The following REDIC1 variants were observed in gnomAD, a reference collection of about 807,000 sequenced individuals.
REDIC1 encodes HEI10 Interacting Protein 1.
chr12:39,737,989 A>G, the REDIC1 span, among the ~76,000 whole-genome samples: 112,031 of 152,102 alleles, frequency 0.74, 42,677 homozygotes, highest in Non-Finnish European at 0.84. Flanking sequence ...TTTCAGTAAC[A>G]CAGAGAATAA....
At chr12:39,663,669 A>G in the REDIC1 span, among the ~76,000 whole-genome samples, 109 of 151,952 alleles carry the variant, frequency 7.2e-4, no homozygotes, top group East Asian at 3.3e-3. Context: ...CTCTTACTAT[A>G]TATATTAATG....
the REDIC1 span, among the ~76,000 whole-genome samples, chr12:39,713,371 C>G: frequency 7.7e-6 from 1 of 129,648 alleles, no homozygotes; most frequent in African/African-American, 3.0e-5. Flanking sequence ...CGTGTATACA[C>G]ATATACATAT....
At chr12:39,718,741 G>T in the REDIC1 span, among the ~76,000 whole-genome samples, 452 of 151,926 alleles carry the variant, frequency 3.0e-3, 1 homozygote, top group African/African-American at 0.01. Context: ...TTTTTCTTCA[G>T]TGATTTTCTT....
chr12:39,852,542 C>A, the REDIC1 span, among the ~76,000 whole-genome samples: 1 of 152,170 alleles, frequency 6.6e-6, no homozygotes, highest in East Asian at 1.9e-4. Flanking sequence ...TAGTACCAAT[C>A]ATTTTTTCTT....
the REDIC1 span, among the ~76,000 whole-genome samples, chr12:39,665,726 G>C: frequency 3.3e-5 from 5 of 151,292 alleles, no homozygotes; most frequent in South Asian, 8.4e-4. Context: ...TCTTCCATTT[G>C]TTTGTATCCT....
At chr12:39,699,860 C>T in the REDIC1 span, among the ~76,000 whole-genome samples, 1 of 152,146 alleles carries the variant, frequency 6.6e-6, no homozygotes, top group Non-Finnish European at 1.5e-5. Flanking sequence ...CCGGGTATGC[C>T]AACAGATCCG....
chr12:39,629,387 C>A, the REDIC1 span, among the ~76,000 whole-genome samples: 1 of 152,106 alleles, frequency 6.6e-6, no homozygotes, highest in African/African-American at 2.4e-5. Context: ...GTAATAGCAA[C>A]CAGATTGCAT....
the REDIC1 span, among the ~76,000 whole-genome samples, chr12:39,733,202 T>G: frequency 1.3e-5 from 2 of 152,236 alleles, no homozygotes. Context: ...TTTAGATTTA[T>G]AAAAAAGTTG....
chr12:39,871,234 G>A, the REDIC1 span, among the ~76,000 whole-genome samples: 462 of 152,194 alleles, frequency 3.0e-3, 2 homozygotes, highest in Non-Finnish European at 5.2e-3. Context: ...TTAAAAAAAA[G>A]GTTTTGCTTT....
the REDIC1 span, among the ~76,000 whole-genome samples, chr12:39,896,232 A>G: frequency 1.5e-5 from 2 of 134,570 alleles, no homozygotes; most frequent in Non-Finnish European, 1.6e-5. Flanking sequence ...ATATATGCAT[A>G]TGTGTATATA....
the REDIC1 span, among the ~76,000 whole-genome samples, chr12:39,719,766 T>C: frequency 1.3e-5 from 2 of 152,186 alleles, no homozygotes; most frequent in African/African-American, 4.8e-5. Context: ...TTTATTGATG[T>C]ATAATATTTG....
At chr12:39,790,573 T>TA in the REDIC1 span, among the ~76,000 whole-genome samples, 1 of 147,402 alleles carries the variant, frequency 6.8e-6, no homozygotes, top group African/African-American at 2.5e-5. Context: ...GGCTGCATAG[T>TA]ATTCCATGGT....
At chr12:39,709,940 C>A in the REDIC1 span, among the ~76,000 whole-genome samples, 3 of 151,730 alleles carry the variant, frequency 2.0e-5, no homozygotes, top group African/African-American at 7.3e-5. Flanking sequence ...TTTCCACCAG[C>A]AGTGCAAAAA....
At chr12:39,708,638 C>T in the REDIC1 span, among the ~76,000 whole-genome samples, 3 of 151,736 alleles carry the variant, frequency 2.0e-5, no homozygotes, top group South Asian at 6.2e-4. Context: ...AAAAATACTT[C>T]TTTTCCCTAG....
At chr12:39,879,190 G>A in the REDIC1 span, among the ~76,000 whole-genome samples, 7 of 152,258 alleles carry the variant, frequency 4.6e-5, no homozygotes, top group Admixed American at 2.6e-4. Context: ...TGGGTGCCCT[G>A]GCAGAAGCCT....
chr12:39,843,295 G>T, the REDIC1 span, among the ~76,000 whole-genome samples: 3 of 152,014 alleles, frequency 2.0e-5, no homozygotes, highest in African/African-American at 7.2e-5. Context: ...GCTAGAAATT[G>T]TTAATTGAAG....
the REDIC1 span, among the ~76,000 whole-genome samples, chr12:39,678,534 A>G: frequency 1.3e-5 from 2 of 151,528 alleles, no homozygotes; most frequent in African/African-American, 4.8e-5. Flanking sequence ...TACCAATCCT[A>G]CTGAAAATTA....
At chr12:39,650,224 A>AT in the REDIC1 span, 3 of 1,549,976 alleles carry the variant, frequency 1.9e-6, no homozygotes, top group South Asian at 1.3e-5. This position sits in a 1 kb window ranked among gnomAD's most constrained non-coding sequence, Gnocchi z 4.3. Flanking sequence ...AGTTTCTTCA[A>AT]ATTTTTTTTT....
At chr12:39,759,777 G>T in the REDIC1 span, 1 of 448,144 alleles carries the variant, frequency 2.2e-6, no homozygotes, top group Non-Finnish European at 4.0e-6. Flanking sequence ...TTTCAGGAAG[G>T]CATTACACAC....
Sources: gnomAD v4.1 joint callset for allele counts (sites outside exome capture counted in the v4.1 genomes callset) on GRCh38, gnomAD v4.1.1 for gene constraint, Gnocchi (gnomAD v3.1) non-coding constraint, MANE v1.5 for transcripts, NCBI Gene and HGNC (gene_info 2026-07-23, HGNC 2026-07-21) for gene names.